The following XPO1 variants were observed in gnomAD, a reference collection of about 807,000 sequenced individuals.
XPO1 encodes exportin-1.
A neutral mutation model predicts 133.3 loss-of-function variants in XPO1; 5 were observed. The ratio of observed to expected loss-of-function variants is 0.04; its 90% CI spans 0.02 to 0.08. The LOEUF (loss-of-function observed/expected upper bound fraction) is 0.08, where lower values mean the gene tolerates loss of function less well. Ranked by LOEUF, XPO1 falls within the 10% of genes least tolerant of loss-of-function variation. XPO1 has a pLI of 1.00. For synonymous variants in XPO1, 419 were observed against 408.2 expected (o/e 1.03, Z -0.32); for missense variants, 506 against 1,267.5 (o/e 0.40, Z 9.12).
intron 18 of XPO1, 138 bp from the exon 19 acceptor site, chr2:61,488,409 G>A: frequency 8.4e-7 from 1 of 1,189,498 alleles, no homozygotes; most frequent in Non-Finnish European, 1.2e-6. Context: ...GGGAAAATAA[G>A]CTTTAAGACT....
chr2:61,495,956 A>C (rs1197976234), intron 10 of XPO1, among the ~76,000 whole-genome samples: 1 of 152,040 alleles, frequency 6.6e-6, no homozygotes, highest in Non-Finnish European at 1.5e-5. Context: ...GGTCTGAGCT[A>C]TTGCACTCAG....
chr2:61,504,022 G>C (rs1697675787), intron 4 of XPO1, among the ~76,000 whole-genome samples: 1 of 152,172 alleles, frequency 6.6e-6, no homozygotes, highest in African/African-American at 2.4e-5. Flanking sequence ...TCCAGCCTGG[G>C]CAACAGAGCG....
intron 17 of XPO1, 142 bp downstream of exon 17, chr2:61,490,500 A>G (rs2095634994): frequency 8.1e-7 from 1 of 1,236,666 alleles, no homozygotes; most frequent in African/African-American, 1.5e-5. Flanking sequence ...CACCTCGCCC[A>G]GATAATAAAT....
intron 17 of XPO1, among the ~76,000 whole-genome samples, chr2:61,489,397 G>C (rs1696854586): frequency 7.3e-6 from 1 of 137,638 alleles, no homozygotes; most frequent in East Asian, 2.3e-4. Flanking sequence ...CGGGCACCAA[G>C]AGTGAAACTC....
chr2:61,532,413 C>T lies in XPO1; in HGVS notation c.126+1359G>A, dbSNP rs188284126. On this transcript the variant is annotated intron_variant, in intron 2 of 24. Coordinates refer to ENST00000401558, the MANE Select transcript of XPO1 (RefSeq NM_003400.4). ...AAGTGCTGGGATTACAGGCGTGAGC[C>T]ACCGCGCCCGGCCGGCACTCAGTTT... 9.5e-3 allele frequency among the ~76,000 whole-genome samples: 1,453 copies of T among 152,148 alleles called. 20 individuals are homozygous for T. The highest frequency in any genetic ancestry group is 0.032 in the African/African-American group (1,338 of 41,532).
chr2:61,536,030 T>C (rs9309336), intron 1 of XPO1, among the ~76,000 whole-genome samples: 96,369 of 152,060 alleles, frequency 0.63, 30,695 homozygotes, highest in Middle Eastern at 0.71. Context: ...AGTTGAATGC[T>C]AAAACAAAAA....
intron 9 of XPO1, 97 bp downstream of exon 9, chr2:61,498,576 G>A (rs1697353507): frequency 1.4e-6 from 2 of 1,476,458 alleles, no homozygotes; most frequent in South Asian, 2.8e-5. Flanking sequence ...TAGAAACAAG[G>A]TTGAATAAGG....
At chr2:61,486,534 G>T (rs1264766606) in intron 19 of XPO1, among the ~76,000 whole-genome samples, 1 of 152,070 alleles carries the variant, frequency 6.6e-6, no homozygotes, top group South Asian at 2.1e-4. Flanking sequence ...TTGGCTCACT[G>T]CAAGCTCCGC....
chr2:61,497,433 G>A (rs6545872), intron 9 of XPO1, among the ~76,000 whole-genome samples: 95,571 of 151,896 alleles, frequency 0.63, 30,226 homozygotes, highest in Middle Eastern at 0.7. Context: ...GGCTGGTCTC[G>A]ATCTCCTGAC....
chr2:61,483,702 A>G (rs1233150855), intron 21 of XPO1: 4 of 446,594 alleles, frequency 9.0e-6, no homozygotes, highest in Non-Finnish European at 1.6e-5. Flanking sequence ...AGAACTTTGT[A>G]TTACGCAAAC....
intron 4 of XPO1, among the ~76,000 whole-genome samples, chr2:61,520,487 TAA>T (rs879291606): frequency 7.0e-6 from 1 of 143,772 alleles, no homozygotes; most frequent in Non-Finnish European, 1.5e-5. Context: ...TACAAAACAT[TAA>T]AAAAAAAAAA....
At chr2:61,486,504 T>C (rs1696702280) in intron 19 of XPO1, among the ~76,000 whole-genome samples, 1 of 152,142 alleles carries the variant, frequency 6.6e-6, no homozygotes, top group Non-Finnish European at 1.5e-5. Flanking sequence ...TCGCCCAGGC[T>C]GGAGTGCAGT....
chr2:61,498,589 T>C, intron 9 of XPO1, 84 bp downstream of exon 9: 2 of 1,537,646 alleles, frequency 1.3e-6, no homozygotes, highest in East Asian at 2.3e-5. Context: ...GAATAAGGTT[T>C]AGAATGCAGA....
intron 2 of XPO1, among the ~76,000 whole-genome samples, chr2:61,532,122 TTTTA>T (rs770592717): frequency 7.3e-4 from 111 of 152,150 alleles, no homozygotes; most frequent in Non-Finnish European, 1.2e-3. Flanking sequence ...TTTTATTTTA[TTTTA>T]TTTATTTATT....
intron 21 of XPO1, 70 bp downstream of exon 21, chr2:61,483,867 T>C: frequency 6.6e-7 from 1 of 1,505,420 alleles, no homozygotes; most frequent in African/African-American, 1.4e-5. Flanking sequence ...AATACCTTCC[T>C]ATGTACAATT....
intron 7 of XPO1, among the ~76,000 whole-genome samples, chr2:61,499,230 G>C (rs1438973925): frequency 6.6e-6 from 1 of 152,100 alleles, no homozygotes; most frequent in African/African-American, 2.4e-5. Context: ...TAACAATTGG[G>C]GAACTGAAAA....
rs1447130097 is a variant in XPO1 at position 61,494,079 on chromosome 2, T to C, written c.1060A>G (p.Met354Val). The change falls in exon 12 of 25, where the codon ATG becomes GTG. Residue 354 changes from methionine (M) to valine (V), a missense_variant. Around this residue, in one of 6 missense-constraint regions of XPO1, gnomAD observed 134 missense variants for 261.6 expected, o/e 0.51. Coordinates refer to ENST00000401558, the MANE Select transcript of XPO1 (RefSeq NM_003400.4). ...RETLMEALHY[M>V]LLVSEVEETE... is the part of the protein sequence containing the mutation. ...TCTTCTACTTCAGATACCAACAACA[T>C]ATAATGAAGGGCCTACACAGAAGAC... The C allele has an allele frequency of 6.2e-7, 1 of 1,613,618 alleles. No homozygotes were observed. The highest frequency in any genetic ancestry group is 8.5e-7 in the Non-Finnish European group (1 of 1,179,894).
chr2:61,523,378 T>C (rs1573212169), intron 3 of XPO1, among the ~76,000 whole-genome samples: 1 of 152,204 alleles, frequency 6.6e-6, no homozygotes, highest in Non-Finnish European at 1.5e-5. Flanking sequence ...ACTAAAAGTA[T>C]AAAAAATTAA....
chr2:61,535,434 G>A lies in XPO1; in HGVS notation c.-6-1531C>T, dbSNP rs17010317. Among the ~76,000 whole-genome samples, 1,346 of 152,224 alleles carry A rather than the reference G, an allele frequency of 8.8e-3. 20 individuals are homozygous for A. Among genetic ancestry groups the A allele is most frequent in the African/African-American group, 0.031 (1,288 of 41,540 alleles). On this transcript the variant is annotated intron_variant, in intron 1 of 24. Coordinates refer to ENST00000401558, the MANE Select transcript of XPO1 (RefSeq NM_003400.4). ...ACTTCTTCCCATTTTAGGAACTTTCGTGGACCAGAAAATGAGTAGCTAATT... is the reference window on the plus strand; with the variant it reads ...ACTTCTTCCCATTTTAGGAACTTTCATGGACCAGAAAATGAGTAGCTAATT...
Sources: gnomAD v4.1 joint callset for allele counts (sites outside exome capture counted in the v4.1 genomes callset) on GRCh38, gnomAD v4.1.1 for gene constraint, gnomAD v4.1.1 regional missense constraint, MANE v1.5 for transcripts, NCBI Gene and HGNC (gene_info 2026-07-23, HGNC 2026-07-21) for gene names.